The following RYR2 variants were observed in gnomAD, a reference collection of about 807,000 sequenced individuals.
The protein encoded by RYR2 is ryanodine receptor 2.
RYR2 carries 227 observed loss-of-function variants against 601.1 expected under a neutral mutation model. That is an observed-to-expected ratio of 0.38 (90% CI 0.34 to 0.42). The LOEUF is 0.42. Among genes scored for constraint, RYR2 ranks in the 10% least tolerant of loss-of-function variants. The pLI is 1.00. For synonymous variants in RYR2, 2,223 were observed against 2,175.1 expected (o/e 1.02, Z -0.61); for missense variants, 4,646 against 6,156.5 (o/e 0.75, Z 8.21).
At chr1:237,737,953 T>G (rs1691290955) in intron 79 of RYR2, among the ~76,000 whole-genome samples, 1 of 152,208 alleles carries the variant, frequency 6.6e-6, no homozygotes, top group Non-Finnish European at 1.5e-5. Context: ...CATTTTAGAC[T>G]ATTGTTGATT....
At position 237,310,333 on chromosome 1, in the gene RYR2, A is replaced by G. The variant is rs112152291; in HGVS notation, c.169-20545A>G. Among the ~76,000 whole-genome samples the G allele has an allele frequency of 7.4e-4, 112 of 152,358 alleles. 1 individual carries two copies. Among genetic ancestry groups the G allele is most frequent in the African/African-American group, 2.0e-3 (83 of 41,576 alleles). On this transcript the variant is annotated intron_variant, in intron 2 of 104. Transcript: ENST00000366574. ...AGGAAAATAAAAACTTGGGTCCCCA[A>G]TTCACTCTGCCAAAAAGAAAAAATT...
intron 17 of RYR2, among the ~76,000 whole-genome samples, chr1:237,490,276 G>A (rs748478765): frequency 2.0e-5 from 3 of 152,140 alleles, no homozygotes; most frequent in Non-Finnish European, 4.4e-5. Flanking sequence ...GCAAACCTCA[G>A]CATTATGCAA....
intron 1 of RYR2, among the ~76,000 whole-genome samples, chr1:237,044,643 A>ATT (rs10675131): frequency 0.72 from 105,869 of 147,280 alleles, 38,986 homozygotes; most frequent in Non-Finnish European, 0.82. Flanking sequence ...GAGCAGGGGG[A>ATT]TTTTTTTTTT....
At chr1:237,768,397 C>T (rs1694009151) in intron 84 of RYR2, among the ~76,000 whole-genome samples, 1 of 152,008 alleles carries the variant, frequency 6.6e-6, no homozygotes, top group Non-Finnish European at 1.5e-5. Flanking sequence ...TTATTTTATA[C>T]AAGAGAAAAT....
rs528880402 is a variant in RYR2 at position 237,106,989 on chromosome 1, C to T, written c.48+64420C>T. ...ATTTTAACATATGATTTTGGGGGGA[C>T]TGAGGGACATAAACATTTAGTCTGT... On this transcript the variant is annotated intron_variant, in intron 1 of 104. Coordinates refer to ENST00000366574, the MANE Select transcript of RYR2 (RefSeq NM_001035.3). The surrounding 1 kb of genome is among the most constrained non-coding windows in gnomAD (Gnocchi z 4.4). 6.6e-6 allele frequency among the ~76,000 whole-genome samples: 1 copy of T among 151,972 alleles called. No homozygotes were observed. Among genetic ancestry groups the T allele is most frequent in the African/African-American group, 2.4e-5 (1 of 41,356 alleles).
chr1:237,711,653 A>G, intron 70 of RYR2, 92 bp from the exon 71 acceptor site: 1 of 683,264 alleles, frequency 1.5e-6, no homozygotes, highest in Non-Finnish European at 2.6e-6. Flanking sequence ...ATTAATACTT[A>G]TCTCTGTAAA....
intron 84 of RYR2, among the ~76,000 whole-genome samples, chr1:237,768,008 G>T (rs1693970910): frequency 6.6e-6 from 1 of 152,162 alleles, no homozygotes; most frequent in Non-Finnish European, 1.5e-5. Context: ...CTGATAAAGA[G>T]AATGTTAGTC....
intron 17 of RYR2, 126 bp from the exon 18 acceptor site, chr1:237,491,680 C>T (rs538912452): frequency 6.8e-6 from 4 of 589,962 alleles, no homozygotes; most frequent in East Asian, 3.0e-5. Flanking sequence ...TGCCTTGTAA[C>T]AGTCACATTG....
At chr1:237,184,293 C>G (rs1374561461) in intron 1 of RYR2, among the ~76,000 whole-genome samples, 2 of 152,198 alleles carry the variant, frequency 1.3e-5, no homozygotes, top group Non-Finnish European at 2.9e-5. Context: ...TGCTTCATCT[C>G]CCTGCTGTCT....
chr1:237,678,061 A>C lies in RYR2; in HGVS notation c.8844A>C (p.Arg2948Ser). Residue 2948 changes from arginine (R) to serine (S), a missense_variant, in exon 61 of 105, where the codon AGA becomes AGC. Around this residue, in one of 17 missense-constraint regions of RYR2, gnomAD observed 1,497 missense variants for 1,842.6 expected, o/e 0.81. Coordinates refer to ENST00000366574, the MANE Select transcript of RYR2 (RefSeq NM_001035.3). Reference sequence around the variant, plus strand: ...TCAAATCTACAGATGGTGGCAGCAGAGGCAAAGGAGAACATTTCCCTTATG... The same window carrying C: ...TCAAATCTACAGATGGTGGCAGCAGCGGCAAAGGAGAACATTTCCCTTATG... The part of the protein sequence containing the change: ...QYILEFDGGS[R>S]GKGEHFPYEQ... 1 of 1,601,792 alleles carries C rather than the reference A, an allele frequency of 6.2e-7. No homozygotes were observed. The highest frequency in any genetic ancestry group is 8.5e-7 in the Non-Finnish European group (1 of 1,169,986).
Position 237,702,158 on chromosome 1 carries a change from T to C in RYR2, c.9449+99T>C, listed in dbSNP as rs1353093216. On this transcript the variant is annotated intron_variant, in intron 66 of 104. Coordinates refer to ENST00000366574, the MANE Select transcript of RYR2 (RefSeq NM_001035.3). ...CATTTCATAACCTGTTTCCTAGTTA[T>C]AAACTAAACCGGATTGACCTTTGAA... 13 of 709,110 alleles carry C rather than the reference T, an allele frequency of 1.8e-5. 1 individual carries two copies. The East Asian group carries it at 3.6e-4, about 20-fold the overall frequency. The allele number at this position is 709,110 out of a possible 1,614,324, so 43.9% of individuals were successfully genotyped here.
intron 1 of RYR2, among the ~76,000 whole-genome samples, chr1:237,157,255 C>T (rs1247103823): frequency 2.5e-4 from 31 of 124,926 alleles, no homozygotes; most frequent in African/African-American, 9.1e-4. Flanking sequence ...AAGATCACAC[C>T]ACTGCACTCC....
chr1:237,815,466 C>T (rs148934922), intron 100 of RYR2, among the ~76,000 whole-genome samples: 1 of 152,250 alleles, frequency 6.6e-6, no homozygotes, highest in African/African-American at 2.4e-5. Context: ...ATCAACATCC[C>T]ACAGGTGAAC....
Position 237,237,139 on chromosome 1 carries a change from G to A in RYR2, c.49-33358G>A, listed in dbSNP as rs192077771. 5.8e-3 allele frequency among the ~76,000 whole-genome samples: 889 copies of A among 152,108 alleles called. 7 individuals are homozygous for A. The highest frequency in any genetic ancestry group is 0.021 in the African/African-American group (853 of 41,496). On this transcript the variant is annotated intron_variant, in intron 1 of 104. Coordinates refer to ENST00000366574, the MANE Select transcript of RYR2 (RefSeq NM_001035.3). Reference sequence around the variant, plus strand: ...CCTTCCACCATGATTGTAAGTTTCCGGAGGCCTCCCCAGCCATGCTGAACT... The same window carrying A: ...CCTTCCACCATGATTGTAAGTTTCCAGAGGCCTCCCCAGCCATGCTGAACT...
chr1:237,404,118 G>A (rs1288839046), intron 10 of RYR2, among the ~76,000 whole-genome samples: 1 of 152,160 alleles, frequency 6.6e-6, no homozygotes, highest in Non-Finnish European at 1.5e-5. Flanking sequence ...GCCAGGCCTG[G>A]TGGCATGCAC....
intron 34 of RYR2, among the ~76,000 whole-genome samples, chr1:237,601,621 CAA>C: frequency 6.6e-6 from 1 of 152,066 alleles, no homozygotes; most frequent in Non-Finnish European, 1.5e-5. Context: ...GAAAAATGTT[CAA>C]AGTGATAGAC....
intron 1 of RYR2, among the ~76,000 whole-genome samples, chr1:237,127,076 T>C (rs1393764249): frequency 6.6e-6 from 1 of 151,540 alleles, no homozygotes; most frequent in African/African-American, 2.4e-5. Context: ...ACACAGCACA[T>C]GTTTCAGAGA....
At chr1:237,297,528 T>A (rs1448537238) in intron 2 of RYR2, among the ~76,000 whole-genome samples, 1 of 152,084 alleles carries the variant, frequency 6.6e-6, no homozygotes, top group African/African-American at 2.4e-5. Flanking sequence ...TCAAACAGTT[T>A]AAAAACATTT....
intron 17 of RYR2, among the ~76,000 whole-genome samples, chr1:237,470,719 T>C (rs1003187165): frequency 1.3e-5 from 2 of 152,032 alleles, no homozygotes; most frequent in African/African-American, 4.8e-5. Context: ...CTGGGGTAAA[T>C]ACCTGAGATT....
Sources: allele counts gnomAD v4.1 joint callset (sites outside exome capture counted in the v4.1 genomes callset), GRCh38; gene constraint gnomAD v4.1.1; regional missense constraint gnomAD v4.1.1; non-coding constraint Gnocchi (gnomAD v3.1); transcripts MANE v1.5; gene names NCBI Gene and HGNC (gene_info 2026-07-23, HGNC 2026-07-21).